SDK1: variants seen among roughly 807,000 people sequenced by gnomAD.
SDK1 encodes the protein protein sidekick-1.
SDK1 carries 157 observed loss-of-function variants against 245.5 expected under a neutral mutation model. That is an observed-to-expected ratio of 0.64 (90% CI 0.56 to 0.73). The LOEUF (loss-of-function observed/expected upper bound fraction) is 0.73. Among genes scored for constraint, SDK1 ranks in the 30% least tolerant of loss-of-function variants. SDK1 has a pLI of 0.00. For synonymous variants in SDK1, 1,647 were observed against 1,278.5 expected (o/e 1.29, Z -6.15); for missense variants, 3,583 against 3,002.3 (o/e 1.19, Z -4.52).
At chr7:3,604,027 G>A (rs1781335362) in intron 1 of SDK1, among the ~76,000 whole-genome samples, 1 of 152,178 alleles carries the variant, frequency 6.6e-6, no homozygotes, top group Non-Finnish European at 1.5e-5. Flanking sequence ...TCCCAGGGAT[G>A]AAGCCCACTT....
intron 42 of SDK1, among the ~76,000 whole-genome samples, chr7:4,240,394 C>T (rs1583155884): frequency 6.6e-6 from 1 of 152,316 alleles, no homozygotes; most frequent in Middle Eastern, 3.4e-3. Context: ...CGACACCCCT[C>T]CCTGCGTGCA....
Position 4,020,625 on chromosome 7 carries a change from T to A in SDK1, c.2602+3273T>A, listed in dbSNP as rs550685760. Among the ~76,000 whole-genome samples the A allele has an allele frequency of 4.6e-5, 7 of 152,238 alleles. No individual in the cohort carries two copies. In the South Asian group the frequency reaches 1.5e-3, roughly 32 times the overall value. On this transcript the variant is annotated intron_variant, in intron 17 of 44. Transcript: ENST00000404826. ...GGAAGCAGAGTGACAAGAGGGACTGTGAATGCATCAGGGGGACAGTGGTGG... is the reference window on the plus strand; with the variant it reads ...GGAAGCAGAGTGACAAGAGGGACTGAGAATGCATCAGGGGGACAGTGGTGG...
At chr7:3,828,951 C>T (rs1372472295) in intron 5 of SDK1, among the ~76,000 whole-genome samples, 1 of 151,944 alleles carries the variant, frequency 6.6e-6, no homozygotes, top group African/African-American at 2.4e-5. Context: ...GCTACTGAAC[C>T]CCACCAAGAT....
chr7:3,600,790 C>A (rs755185307), intron 1 of SDK1, among the ~76,000 whole-genome samples: 14 of 151,962 alleles, frequency 9.2e-5, no homozygotes, highest in Non-Finnish European at 1.8e-4. Context: ...CCTCATGATC[C>A]GGCCATCTCG....
rs536216469 is a variant in SDK1, at chr7:3,807,522, G to A, written c.714-13928G>A. ...GGCCAGGCCTTTCTTAGCCAGTGGGGGTATCTGATTGGAGACCTATAGAAA... is the reference window on the plus strand; with the variant it reads ...GGCCAGGCCTTTCTTAGCCAGTGGGAGTATCTGATTGGAGACCTATAGAAA... On this transcript the variant is annotated intron_variant, in intron 4 of 44. Transcript: ENST00000404826. 2.8e-4 allele frequency among the ~76,000 whole-genome samples: 43 copies of A among 152,226 alleles called. No homozygotes were observed. In the South Asian group the frequency reaches 7.5e-3, roughly 26 times the overall value.
At chr7:3,821,170 T>C (rs1779635934) in intron 4 of SDK1, among the ~76,000 whole-genome samples, 1 of 152,188 alleles carries the variant, frequency 6.6e-6, no homozygotes, top group African/African-American at 2.4e-5. Context: ...ACTCTGGATG[T>C]CTATGTTCCA....
At chr7:3,460,686 G>A (rs1248193128) in intron 1 of SDK1, among the ~76,000 whole-genome samples, 1 of 152,174 alleles carries the variant, frequency 6.6e-6, no homozygotes, top group African/African-American at 2.4e-5. Flanking sequence ...ATAGTTTTGT[G>A]TGTGGTGTCA....
chr7:3,620,426 C>A (rs1781902136), intron 2 of SDK1, among the ~76,000 whole-genome samples: 1 of 152,032 alleles, frequency 6.6e-6, no homozygotes. Context: ...CCTCAGCCTC[C>A]CAAGTAGCTG....
chr7:3,708,846 C>G (rs1278278863), intron 4 of SDK1, among the ~76,000 whole-genome samples: 1 of 152,222 alleles, frequency 6.6e-6, no homozygotes, highest in Non-Finnish European at 1.5e-5. Context: ...TATTTTCTAT[C>G]TATTCTGCCC....
At chr7:3,711,018 A>G (rs1424793165) in intron 4 of SDK1, among the ~76,000 whole-genome samples, 1 of 152,192 alleles carries the variant, frequency 6.6e-6, no homozygotes, top group Non-Finnish European at 1.5e-5. Flanking sequence ...TTCCCAGGAA[A>G]CTCTCAGGAT....
intron 5 of SDK1, among the ~76,000 whole-genome samples, chr7:3,906,613 GTGTCTTTT>G (rs1562527185): frequency 8.4e-6 from 1 of 118,950 alleles, no homozygotes; most frequent in Non-Finnish European, 1.7e-5. Context: ...TAGCATTTCA[GTGTCTTTT>G]TTTTTTTTTT....
chr7:3,600,465 G>A (rs573521207), intron 1 of SDK1, among the ~76,000 whole-genome samples: 1 of 151,602 alleles, frequency 6.6e-6, no homozygotes, highest in East Asian at 1.9e-4. Context: ...GAATAGGAGT[G>A]ATGAGAGCAG....
At chr7:3,827,386 T>C (rs958199688) in intron 5 of SDK1, among the ~76,000 whole-genome samples, 2 of 151,940 alleles carry the variant, frequency 1.3e-5, no homozygotes, top group Non-Finnish European at 2.9e-5. Flanking sequence ...GATGGAAGGC[T>C]CGTGTCTTAC....
intron 4 of SDK1, among the ~76,000 whole-genome samples, chr7:3,784,597 G>C (rs1012269105): frequency 3.9e-5 from 6 of 152,144 alleles, no homozygotes; most frequent in Non-Finnish European, 7.4e-5. Context: ...ATGGCTGACA[G>C]ATACATGAAG....
intron 4 of SDK1, among the ~76,000 whole-genome samples, chr7:3,690,445 T>C (rs914893539): frequency 2.0e-5 from 3 of 152,212 alleles, no homozygotes; most frequent in Non-Finnish European, 4.4e-5. Flanking sequence ...TATCCTTTTA[T>C]AATCCTTACA....
intron 43 of SDK1, 50 bp downstream of exon 43, chr7:4,241,963 G>T (rs1786550988): frequency 6.3e-7 from 1 of 1,597,100 alleles, no homozygotes; most frequent in South Asian, 1.1e-5. Context: ...GAGCTGCCAG[G>T]GCTGGGGTGG....
chr7:3,316,894 G>A (rs1315204331), intron 1 of SDK1, among the ~76,000 whole-genome samples: 2 of 152,192 alleles, frequency 1.3e-5, no homozygotes, highest in South Asian at 2.1e-4. Context: ...AAAAGGGTCT[G>A]GGGGTCTGGG....
intron 1 of SDK1, among the ~76,000 whole-genome samples, chr7:3,453,167 T>C (rs980075263): frequency 1.8e-4 from 27 of 152,202 alleles, no homozygotes; most frequent in Admixed American, 1.7e-3. Context: ...CTCACCAACT[T>C]GTGAAGCCTC....
intron 40 of SDK1, among the ~76,000 whole-genome samples, chr7:4,228,236 G>A (rs189271530): frequency 4.9e-4 from 75 of 152,304 alleles, no homozygotes; most frequent in Non-Finnish European, 1.5e-5. Flanking sequence ...CACTTTCTTA[G>A]TGGTATTTCT....
Sources: allele counts gnomAD v4.1 joint callset (sites outside exome capture counted in the v4.1 genomes callset), GRCh38; gene constraint gnomAD v4.1.1; transcripts MANE v1.5; gene names NCBI Gene and HGNC (gene_info 2026-07-23, HGNC 2026-07-21).